L1CAM: variants seen among roughly 807,000 people sequenced by gnomAD.
L1CAM encodes the protein neural cell adhesion molecule L1.
A neutral mutation model predicts 93.0 loss-of-function variants in L1CAM; 8 were observed. That is an observed-to-expected ratio of 0.09 (90% CI 0.05 to 0.16). The LOEUF (loss-of-function observed/expected upper bound fraction) is 0.16. Among genes scored for constraint, L1CAM ranks in the 10% least tolerant of loss-of-function variants. The probability of loss-of-function intolerance (pLI) is 1.00; values close to 1 mark genes in which losing one functional copy is unlikely to be tolerated. For synonymous variants in L1CAM, 453 were observed against 453.0 expected, an observed-to-expected ratio of 1.00 and a Z score of 0.00; for missense variants, 777 against 1,073.4, an observed-to-expected ratio of 0.72 and a Z score of 3.86.
intron 1 of L1CAM, among the ~76,000 whole-genome samples, chrX:153,877,634 A>G (rs2064823514): frequency 8.9e-6 from 1 of 111,754 alleles, no homozygotes. Flanking sequence ...TCTCAAAAAA[A>G]AGAGAGAAAG....
chrX:153,867,876 G>T lies in L1CAM; in HGVS notation c.1863C>A (p.Ser621=). The T allele has an allele frequency of 8.3e-7, 1 of 1,210,800 alleles. No homozygotes were observed. The highest frequency in any genetic ancestry group is 1.1e-6 in the Non-Finnish European group (1 of 895,270). Reference sequence around the variant, plus strand: ...GGCTCTGCGTCAGCAGGTGCAGGTCGGACAGCACCAGCCGTGGCACCGGCC... The same window carrying T: ...GGCTCTGCGTCAGCAGGTGCAGGTCTGACAGCACCAGCCGTGGCACCGGCC... The part of the protein sequence containing the change: ...SPGPVPRLVL[S]DLHLLTQSQV... The change falls in exon 16 of 29, where the codon TCC becomes TCA. Residue 621 remains serine, a synonymous_variant. Coordinates refer to ENST00000370060, the MANE Select transcript of L1CAM (RefSeq NM_001278116.2).
chrX:153,872,525 G>T, intron 4 of L1CAM, 67 bp downstream of exon 4: 1 of 997,317 alleles, frequency 1.0e-6, no homozygotes, highest in South Asian at 1.9e-5. Flanking sequence ...AAGTTAGGCA[G>T]TCCAGGGAGG....
At chrX:153,885,848 G>C (rs2064877296) in intron 1 of L1CAM, 1 of 831,711 alleles carries the variant, frequency 1.2e-6, no homozygotes, top group Non-Finnish European at 1.5e-6. Context: ...TCACCTGTCG[G>C]GCTCGGGCAC....
rs201664558 is a variant in L1CAM at position 153,872,362 on chromosome X, C to T, written c.198-8G>A. The T allele has an allele frequency of 8.3e-6, 10 of 1,202,274 alleles. No individual in the cohort carries two copies. In the African/African-American group the frequency reaches 1.1e-4, roughly 13 times the overall value. ...TCCCTCGTCCAGCGGAACCTGTGGGCGGAAAAAGGCCCAGAGGCCTGAGGC... is the reference window on the plus strand; with the variant it reads ...TCCCTCGTCCAGCGGAACCTGTGGGTGGAAAAAGGCCCAGAGGCCTGAGGC... On this transcript the variant is annotated splice_polypyrimidine_tract_variant and splice_region_variant and intron_variant, in intron 4 of 28. Coordinates refer to ENST00000370060, the MANE Select transcript of L1CAM (RefSeq NM_001278116.2).
At position 153,868,372 on chromosome X, in the gene L1CAM, G is replaced by A. The variant is rs782513182; in HGVS notation, c.1633C>T (p.Pro545Ser). 4 of 1,211,630 alleles carry A rather than the reference G, an allele frequency of 3.3e-6. No individual in the cohort carries two copies. The East Asian group carries it at 8.9e-5, about 27-fold the overall frequency. Residue 545 changes from proline to serine, a missense_variant, in exon 14 of 29, where the codon CCC becomes TCC. Pro to Ser is a moderately conservative substitution (Grantham distance 74). Around this residue, in one of 5 missense-constraint regions of L1CAM, gnomAD observed 574 missense variants for 781.0 expected, o/e 0.73. Transcript: ENST00000370060. ...VTFTCQASFD[P>S]SLQPSITWRG... ...CAGGTGATGCTGGGCTGCAAGGAGGGGTCAAAGGAGGCCTGGCACGTGAAG... is the reference window on the plus strand; with the variant it reads ...CAGGTGATGCTGGGCTGCAAGGAGGAGTCAAAGGAGGCCTGGCACGTGAAG...
In L1CAM at chrX:153,873,374, G is replaced by T. The variant is rs73627232; in HGVS notation, c.77-132C>A. On this transcript the variant is annotated intron_variant, in intron 2 of 28. Transcript: ENST00000370060. ...CCGTGGAGAGGGAATGGCAGGAGAG[G>T]AGGCCCTGGCAGTGGCAACAAGGGG... The T allele has an allele frequency of 3.8e-3, 2,632 of 693,285 alleles. 40 individuals are homozygous for T. The African/African-American group carries it at 0.05, about 13-fold the overall frequency. 57.1% of individuals were successfully genotyped at this position (693,285 alleles called of 1,213,427 possible). A position where few individuals can be genotyped will look rare whatever the true frequency, so the allele number is the denominator to read the frequency against.
chrX:153,863,506 C>G lies in L1CAM; in HGVS notation c.3501G>C (p.Pro1167=). 8.3e-7 allele frequency: 1 copy of G among 1,211,443 alleles called. No homozygotes were observed. The highest frequency in any genetic ancestry group is 1.1e-6 in the Non-Finnish European group (1 of 895,210). Residue 1167 remains proline, a synonymous_variant, in exon 27 of 29, where the codon CCG becomes CCC. Transcript: ENST00000370060. ...EDTQVDSEAR[P]MKDETFGEYR... ...ACTCGCCGAAGGTCTCATCTTTCAT[C>G]GGTCGGGCCTCAGAGTCCACCTGGG...
At chrX:153,884,129 T>C in intron 1 of L1CAM, 1 of 787,900 alleles carries the variant, frequency 1.3e-6, no homozygotes, top group Non-Finnish European at 1.7e-6. Context: ...AGAAAACAAG[T>C]GACACCCCAC....
chrX:153,878,962 C>T (rs2064829723), intron 1 of L1CAM, among the ~76,000 whole-genome samples: 1 of 111,221 alleles, frequency 9.0e-6, no homozygotes, highest in African/African-American at 3.3e-5. Context: ...CAGTCGGAGA[C>T]AGGCAGGAAG....
In L1CAM at chrX:153,869,562, G is replaced by A. The variant is rs782132624; in HGVS notation, c.1225C>T (p.Arg409Trp). The A allele has an allele frequency of 5.8e-6, 7 of 1,209,802 alleles. No individual in the cohort carries two copies. Among genetic ancestry groups the A allele is most frequent in the East Asian group, 3.0e-5 (1 of 33,793 alleles). The change falls in exon 11 of 29, where the codon CGG becomes TGG. Residue 409 changes from arginine (R) to tryptophan (W), a missense_variant. Arg to Trp is a moderately radical substitution (Grantham distance 101). Around this residue, in one of 5 missense-constraint regions of L1CAM, gnomAD observed 574 missense variants for 781.0 expected, o/e 0.73. Transcript: ENST00000370060. ...GCATTGGCCAGCAAGAGCCCGTGCC[G>A]GTTGCGGGCCTCACATTGGGTCACC... ...TMVTQCEARN[R>W]HGLLLANAYI...
intron 20 of L1CAM, 57 bp downstream of exon 20, chrX:153,865,647 T>C (rs1557090664): frequency 9.7e-7 from 1 of 1,028,496 alleles, no homozygotes; most frequent in African/African-American, 1.9e-5. Flanking sequence ...CCCCTCACCA[T>C]CCTGTCGCTT....
At chrX:153,865,668 A>C in intron 20 of L1CAM, 36 bp downstream of exon 20, 3 of 1,056,936 alleles carry the variant, frequency 2.8e-6, no homozygotes, top group Non-Finnish European at 4.0e-6. Context: ...TACCTCAGTG[A>C]TCACCCTCCT....
chrX:153,872,371 G>C lies in L1CAM; in HGVS notation c.198-17C>G, dbSNP rs781828081. On this transcript the variant is annotated splice_polypyrimidine_tract_variant and intron_variant, in intron 4 of 28. Coordinates refer to ENST00000370060, the MANE Select transcript of L1CAM (RefSeq NM_001278116.2). ...CAGCGGAACCTGTGGGCGGAAAAAG[G>C]CCCAGAGGCCTGAGGCCCTGGAACC... is the stretch of plus-strand genomic sequence containing the variant. 4 of 1,198,023 alleles carry C rather than the reference G, an allele frequency of 3.3e-6. No individual in the cohort carries two copies. Among genetic ancestry groups the C allele is most frequent in the Middle Eastern group, 2.3e-4 (1 of 4,308 alleles).
chrX:153,880,600 G>T, intron 1 of L1CAM: 1 of 339,495 alleles, frequency 2.9e-6, no homozygotes, highest in Admixed American at 3.1e-5. Context: ...ATACGATGGT[G>T]TGGGTGTCAC....
chrX:153,866,011 G>A lies in L1CAM; in HGVS notation c.2432-192C>T, dbSNP rs782717613. ...ATTAGTTGCAAAGGTGAAAATAGTA[G>A]CTTATACAAAGGAGAAACCATGGCT... On this transcript the variant is annotated intron_variant, in intron 19 of 28. Transcript: ENST00000370060. 5 of 431,606 alleles carry A rather than the reference G, an allele frequency of 1.2e-5. No individual in the cohort carries two copies. The East Asian group carries it at 1.5e-4, about 13-fold the overall frequency. 35.6% of individuals were successfully genotyped at this position (431,606 alleles called of 1,213,427 possible).
At chrX:153,870,989 G>T (rs371211126) in intron 6 of L1CAM, 29 bp from the exon 7 acceptor site, 15 of 1,208,759 alleles carry the variant, frequency 1.2e-5, no homozygotes, top group Middle Eastern at 2.3e-4. Context: ...CCGAAGTCAT[G>T]ACCCCGTCCA....
chrX:153,867,012 T>C lies in L1CAM; in HGVS notation c.2208+42A>G, dbSNP rs782407875. On this transcript the variant is annotated intron_variant, in intron 18 of 28. Transcript: ENST00000370060. ...GGGGGAGCAACAGACACCCAGGTCA[T>C]GGCCTCATGTCCCCCAGGCAGCTCA... is the stretch of plus-strand genomic sequence containing the variant. 11 of 1,161,114 alleles carry C rather than the reference T, an allele frequency of 9.5e-6. No individual in the cohort carries two copies. In the Admixed American group the frequency reaches 2.4e-4, roughly 25 times the overall value.
At chrX:153,868,202 G>A (rs983370865) in intron 14 of L1CAM, 80 bp from the exon 15 acceptor site, 6 of 888,420 alleles carry the variant, frequency 6.8e-6, no homozygotes, top group Non-Finnish European at 6.1e-6. Flanking sequence ...TCCTTCCCCC[G>A]CTCCTGTCAG....
rs782817909 is a variant in L1CAM, at chrX:153,871,686, T to A, written c.400+466A>T. ...AACCCCAGGGAAAAGGCGACACAGA[T>A]CAAGACAGAGCCGTGGAGCAAGAGA... On this transcript the variant is annotated intron_variant, in intron 5 of 28. Coordinates refer to ENST00000370060, the MANE Select transcript of L1CAM (RefSeq NM_001278116.2). 4.6e-5 allele frequency among the ~76,000 whole-genome samples: 5 copies of A among 109,817 alleles called. No individual in the cohort carries two copies. In the East Asian group the frequency reaches 1.4e-3, roughly 32 times the overall value.
Sources: gnomAD v4.1 joint callset for allele counts (sites outside exome capture counted in the v4.1 genomes callset) on GRCh38, gnomAD v4.1.1 for gene constraint, gnomAD v4.1.1 regional missense constraint, MANE v1.5 for transcripts, NCBI Gene and HGNC (gene_info 2026-07-23, HGNC 2026-07-21) for gene names.